Variants in ZNF423 observed in about 807,000 individuals in gnomAD.
ZNF423 encodes zinc finger protein 423.
In ZNF423, 12 loss-of-function variants were observed where a neutral mutation model predicts 95.8. The ratio of observed to expected loss-of-function variants is 0.13; its 90% confidence interval spans 0.08 to 0.20. The LOEUF (loss-of-function observed/expected upper bound fraction) is 0.20, where lower values mean the gene tolerates loss of function less well. Ranked by LOEUF, ZNF423 falls within the 10% of genes least tolerant of loss-of-function variation. The pLI is 1.00. For synonymous variants in ZNF423, 749 were observed against 711.9 expected (o/e 1.05, Z -0.83); for missense variants, 1,316 against 1,737.1 (o/e 0.76, Z 4.31).
intron 2 of ZNF423, among the ~76,000 whole-genome samples, chr16:49,778,375 G>A (rs549199676): frequency 9.8e-5 from 15 of 152,300 alleles, no homozygotes; most frequent in African/African-American, 1.4e-4. Context: ...GCCAACACAC[G>A]CCAGGTGGTG....
chr16:49,630,321 C>G (rs528380543), intron 4 of ZNF423, among the ~76,000 whole-genome samples: 98 of 152,298 alleles, frequency 6.4e-4, no homozygotes, highest in African/African-American at 2.2e-3. Context: ...GTGTCTCCAG[C>G]ATCAAAACCA....
Position 49,813,427 on chromosome 16 carries a change from G to A in ZNF423, c.41-23881C>T, listed in dbSNP as rs1006869053. Among the ~76,000 whole-genome samples, 5 of 152,072 alleles carry A rather than the reference G, an allele frequency of 3.3e-5. No individual in the cohort carries two copies. In the East Asian group the frequency reaches 7.7e-4, roughly 23 times the overall value. Reference sequence around the variant, plus strand: ...CTCGGATAACAGCAGCACCCCAATCGTGCCCTGAGGAACCGCCCCTAACCC... The same window carrying A: ...CTCGGATAACAGCAGCACCCCAATCATGCCCTGAGGAACCGCCCCTAACCC... On this transcript the variant is annotated intron_variant, in intron 1 of 7. Coordinates refer to ENST00000563137, the MANE Select transcript of ZNF423 (RefSeq NM_001379286.1).
In ZNF423 at chr16:49,809,821, C is replaced by G. The variant is rs558335636; in HGVS notation, c.41-20275G>C. On this transcript the variant is annotated intron_variant, in intron 1 of 7. Transcript: ENST00000563137. ...ACTGGAAACAAAGACACCAGGGGGT[C>G]TGGGGCTGGAGGGTCCACCCGGGAG... is the stretch of plus-strand genomic sequence containing the variant. Among the ~76,000 whole-genome samples, 8 of 152,286 alleles carry G rather than the reference C, an allele frequency of 5.3e-5. No homozygotes were observed. In the East Asian group the frequency reaches 1.5e-3, roughly 29 times the overall value.
chr16:49,517,638 G>T, intron 7 of ZNF423: 1 of 228,250 alleles, frequency 4.4e-6, no homozygotes, highest in Non-Finnish European at 8.6e-6. Flanking sequence ...TTTGTTTTGT[G>T]AAATTGAAAG....
intron 3 of ZNF423, among the ~76,000 whole-genome samples, chr16:49,652,364 A>T (rs1285858937): frequency 6.7e-6 from 1 of 149,674 alleles, no homozygotes; most frequent in Non-Finnish European, 1.5e-5. Context: ...AAAAAAAAAA[A>T]GCCAGTGCTC....
At chr16:49,725,648 C>T (rs904307696) in intron 3 of ZNF423, among the ~76,000 whole-genome samples, 2 of 152,144 alleles carry the variant, frequency 1.3e-5, no homozygotes, top group African/African-American at 2.4e-5. Context: ...GGCGTGGGGG[C>T]TGCAGAGGGC....
intron 2 of ZNF423, among the ~76,000 whole-genome samples, chr16:49,781,206 A>C (rs1049159404): frequency 6.6e-6 from 1 of 152,186 alleles, no homozygotes; most frequent in Non-Finnish European, 1.5e-5. Context: ...GGAGCCCCTG[A>C]GAAAATCTCC....
intron 3 of ZNF423, among the ~76,000 whole-genome samples, chr16:49,672,324 TC>T: frequency 6.6e-6 from 1 of 152,316 alleles, no homozygotes; most frequent in South Asian, 2.1e-4. Flanking sequence ...TCTTTAATCT[TC>T]CTGGTGACCC....
intron 2 of ZNF423, among the ~76,000 whole-genome samples, chr16:49,787,996 G>A (rs756616316): frequency 6.6e-6 from 1 of 152,178 alleles, no homozygotes. Context: ...CATGGGGAAC[G>A]CACTCCCCGC....
At chr16:49,771,289 A>G (rs1348283360) in intron 2 of ZNF423, among the ~76,000 whole-genome samples, 1 of 131,590 alleles carries the variant, frequency 7.6e-6, no homozygotes, top group Non-Finnish European at 1.5e-5. Context: ...TGCAACCTCC[A>G]CCTCTCAGGT....
intron 5 of ZNF423, among the ~76,000 whole-genome samples, chr16:49,552,678 C>A (rs1056608539): frequency 6.6e-6 from 1 of 152,260 alleles, no homozygotes; most frequent in African/African-American, 2.4e-5. Flanking sequence ...GACACACTTT[C>A]GGTTTCCAGC....
chr16:49,831,390 G>A lies in ZNF423; in HGVS notation c.40+24345C>T, dbSNP rs1300396878. Among the ~76,000 whole-genome samples the A allele has an allele frequency of 4.6e-5, 7 of 152,186 alleles. No homozygotes were observed. The East Asian group carries it at 1.3e-3, about 29-fold the overall frequency. On this transcript the variant is annotated intron_variant, in intron 1 of 7. Transcript: ENST00000563137. Reference sequence around the variant, plus strand: ...TGGAGAAACAAATCATATAGGGTCAGGGTTAAGAGGGCAGATCAAATCCCA... The same window carrying A: ...TGGAGAAACAAATCATATAGGGTCAAGGTTAAGAGGGCAGATCAAATCCCA...
In ZNF423 at chr16:49,855,394, G is replaced by T. The variant is rs1374294488; in HGVS notation, c.40+341C>A. Among the ~76,000 whole-genome samples the T allele has an allele frequency of 6.7e-6, 1 of 149,324 alleles. No individual in the cohort carries two copies. Among genetic ancestry groups the T allele is most frequent in the African/African-American group, 2.5e-5 (1 of 40,454 alleles). ...CCAGCACCCCTTGATTGGCCACACG[G>T]GCCCGGGCCCCGCACGGAGGGAGCG... On this transcript the variant is annotated intron_variant, in intron 1 of 7. Coordinates refer to ENST00000563137, the MANE Select transcript of ZNF423 (RefSeq NM_001379286.1). This position sits in a 1 kb window ranked among gnomAD's most constrained non-coding sequence, Gnocchi z 4.7.
chr16:49,515,881 G>C (rs752592297), intron 7 of ZNF423, among the ~76,000 whole-genome samples: 13 of 152,314 alleles, frequency 8.5e-5, no homozygotes, highest in Non-Finnish European at 1.3e-4. Flanking sequence ...CAGCTGGGCT[G>C]GTGGGCAGAG....
chr16:49,809,290 G>A (rs2034713924), intron 1 of ZNF423, among the ~76,000 whole-genome samples: 1 of 152,220 alleles, frequency 6.6e-6, no homozygotes. Flanking sequence ...AGCACATCTG[G>A]TCCACGGCTG....
At chr16:49,854,729 C>T in intron 1 of ZNF423, 1 of 985,432 alleles carries the variant, frequency 1.0e-6, no homozygotes, top group Non-Finnish European at 1.2e-6. Flanking sequence ...GCTCTGCTGC[C>T]GGCGCGCGGC....
chr16:49,817,816 G>A (rs2034880168), intron 1 of ZNF423, among the ~76,000 whole-genome samples: 1 of 152,120 alleles, frequency 6.6e-6, no homozygotes, highest in South Asian at 2.1e-4. Context: ...AGATGAGTGT[G>A]TCGCAAGGTG....
intron 3 of ZNF423, among the ~76,000 whole-genome samples, chr16:49,682,314 G>A (rs1171215325): frequency 7.9e-5 from 12 of 152,146 alleles, no homozygotes; most frequent in African/African-American, 1.2e-4. Flanking sequence ...GCAAGAGAGT[G>A]AATGACCATG....
intron 4 of ZNF423, 87 bp from the exon 5 acceptor site, chr16:49,626,341 G>C (rs1171746193): frequency 5.5e-6 from 7 of 1,266,872 alleles, no homozygotes; most frequent in Non-Finnish European, 8.0e-6. Flanking sequence ...CCTGGGTCAA[G>C]ACTTTCCAGA....
Sources: gnomAD v4.1 joint callset for allele counts (sites outside exome capture counted in the v4.1 genomes callset) on GRCh38, gnomAD v4.1.1 for gene constraint, Gnocchi (gnomAD v3.1) non-coding constraint, MANE v1.5 for transcripts, NCBI Gene and HGNC (gene_info 2026-07-23, HGNC 2026-07-21) for gene names.